FBH1: variants seen among roughly 807,000 people sequenced by gnomAD.
FBH1 encodes the protein DNA 3'-5' helicase 1.
FBH1 carries 43 observed loss-of-function variants against 115.5 expected under a neutral mutation model. The observed-to-expected ratio is 0.37, with a 90% CI of 0.29 to 0.48. The LOEUF (loss-of-function observed/expected upper bound fraction) is 0.48, where lower values mean the gene tolerates loss of function less well. FBH1 is among the 20% of genes least tolerant of loss of function. FBH1 has a pLI of 0.99. For missense variants in FBH1, 1,001 were observed against 1,337.3 expected (o/e 0.75, Z 3.92); for synonymous variants, 524 against 507.8 (o/e 1.03, Z -0.43).
chr10:5,923,519 C>G lies in FBH1; in HGVS notation c.2323-102C>G. 1.1e-6 allele frequency: 1 copy of G among 892,964 alleles called. No individual in the cohort carries two copies. Among genetic ancestry groups the G allele is most frequent in the South Asian group, 1.6e-5 (1 of 61,858 alleles). 55.3% of individuals were successfully genotyped at this position (892,964 alleles called of 1,614,324 possible). On this transcript the variant is annotated intron_variant, in intron 15 of 20. Transcript: ENST00000362091. The surrounding 1 kb of genome is among the most constrained non-coding windows in gnomAD (Gnocchi z 5.7). ...CAAGAAACCATCTCATTTCAAAACC[C>G]CATCCCTGCATTTGCTTTATTTTGT...
At position 5,925,225 on chromosome 10, in the gene FBH1, C is replaced by G; in HGVS notation, c.2597-142C>G. 1 of 986,022 alleles carries G rather than the reference C, an allele frequency of 1.0e-6. No individual in the cohort carries two copies. The highest frequency in any genetic ancestry group is 1.5e-6 in the Non-Finnish European group (1 of 675,786). The allele number at this position is 986,022 out of a possible 1,614,324, so 61.1% of individuals were successfully genotyped here. ...AGTTGTCTGTTCCCGACAGTTGTTT[C>G]CTCTTTCCCCCTTTTCCTACAAAAC... On this transcript the variant is annotated intron_variant, in intron 17 of 20. Transcript: ENST00000362091. This position sits in a 1 kb window ranked among gnomAD's most constrained non-coding sequence, Gnocchi z 4.6.
At position 5,890,251 on chromosome 10, in the gene FBH1, CAG is replaced by C; in HGVS notation, c.-92_-91del. The C allele has an allele frequency of 2.7e-6, 1 of 364,466 alleles. No individual in the cohort carries two copies. 22.6% of individuals were successfully genotyped at this position (364,466 alleles called of 1,614,324 possible). On this transcript the variant is annotated 5_prime_UTR_variant, in exon 1 of 21. Transcript: ENST00000362091. The stretch of plus-strand genomic sequence containing the variant: ...GGCGTCTCGGGCTCCAGGTCCCGGC[CAG>C]AGGAGGAGCTCGCTGCCGGGGGACG...
At position 5,915,069 on chromosome 10, in the gene FBH1, C is replaced by T. The variant is rs1272489173; in HGVS notation, c.1397-334C>T. Among the ~76,000 whole-genome samples, 3 of 152,196 alleles carry T rather than the reference C, an allele frequency of 2.0e-5. No individual in the cohort carries two copies. Among genetic ancestry groups the T allele is most frequent in the East Asian group, 1.9e-4 (1 of 5,198 alleles). ...CCTTCCCCCTCCCTAACCCTACCCT[C>T]CTATCCTGAGGGGTCCTTTTTGCCC... On this transcript the variant is annotated intron_variant, in intron 8 of 20. Coordinates refer to ENST00000362091, the MANE Select transcript of FBH1 (RefSeq NM_178150.3). This position sits in a 1 kb window ranked among gnomAD's most constrained non-coding sequence, Gnocchi z 5.2.
intron 1 of FBH1, among the ~76,000 whole-genome samples, chr10:5,896,177 T>C (rs1210283334): frequency 6.6e-6 from 1 of 152,170 alleles, no homozygotes; most frequent in African/African-American, 2.4e-5. Flanking sequence ...AGCAGAGTTC[T>C]TGTAAGGACT....
upstream of FBH1, chr10:5,890,113 G>C (rs1371860614): frequency 3.1e-6 from 1 of 321,092 alleles, no homozygotes. Flanking sequence ...CCGTCCGTCA[G>C]CACGCCCCCT....
In FBH1 at chr10:5,895,057, C is replaced by G; in HGVS notation, c.1+4711C>G. ...AATTGGGCCATTCCCGTTTCACAGG[C>G]TGCCATTGGACCTGTCAAGTGCCTG... is the stretch of plus-strand genomic sequence containing the variant. On this transcript the variant is annotated intron_variant, in intron 1 of 20. Coordinates refer to ENST00000362091, the MANE Select transcript of FBH1 (RefSeq NM_178150.3). This position sits in a 1 kb window ranked among gnomAD's most constrained non-coding sequence, Gnocchi z 5.0. 6.2e-7 allele frequency: 1 copy of G among 1,609,776 alleles called. No homozygotes were observed. Among genetic ancestry groups the G allele is most frequent in the South Asian group, 1.1e-5 (1 of 90,724 alleles).
In FBH1 at chr10:5,925,941, G is replaced by T. The variant is rs183331934; in HGVS notation, c.2722+449G>T. On this transcript the variant is annotated intron_variant, in intron 18 of 20. Coordinates refer to ENST00000362091, the MANE Select transcript of FBH1 (RefSeq NM_178150.3). This position sits in a 1 kb window ranked among gnomAD's most constrained non-coding sequence, Gnocchi z 4.6. The stretch of plus-strand genomic sequence containing the variant: ...GTAAGCATTCTTTATCATTTGTCTG[G>T]TGTTTTTTGGTACAGACAGGGGTCT... 1.6e-4 allele frequency among the ~76,000 whole-genome samples: 25 copies of T among 151,878 alleles called. No individual in the cohort carries two copies. The highest frequency in any genetic ancestry group is 2.6e-4 in the Non-Finnish European group (18 of 67,966).
Position 5,903,116 on chromosome 10 carries a change from C to T in FBH1, c.98C>T (p.Thr33Ile). The change falls in exon 2 of 21, where the codon ACA (threonine) becomes ATA (isoleucine). Residue 33 changes from threonine (T) to isoleucine (I), a missense_variant. By Grantham distance (89) the Thr-to-Ile change is moderately conservative (BLOSUM62 -1). Around this residue, in one of 4 missense-constraint regions of FBH1, gnomAD observed 420 missense variants for 430.4 expected, o/e 0.98. Transcript: ENST00000362091. ...ACCCAGCCCTTCGGTCAAAGATGGA[C>T]AAACAGAGATCCGAACCATGGTCTC... ...AVTQPFGQRW[T>I]NRDPNHGLYP... 1 of 1,613,792 alleles carries T rather than the reference C, an allele frequency of 6.2e-7. No homozygotes were observed. Among genetic ancestry groups the T allele is most frequent in the Non-Finnish European group, 8.5e-7 (1 of 1,179,888 alleles).
chr10:5,932,007 CATG>C lies in FBH1; in HGVS notation c.2830-4448_2830-4446del, dbSNP rs935125361. Among the ~76,000 whole-genome samples the C allele has an allele frequency of 2.0e-5, 3 of 152,188 alleles. No individual in the cohort carries two copies. Among genetic ancestry groups the C allele is most frequent in the African/African-American group, 7.2e-5 (3 of 41,430 alleles). On this transcript the variant is annotated intron_variant, in intron 19 of 20. Coordinates refer to ENST00000362091, the MANE Select transcript of FBH1 (RefSeq NM_178150.3). The surrounding 1 kb of genome is among the most constrained non-coding windows in gnomAD (Gnocchi z 5.9). The stretch of plus-strand genomic sequence containing the variant: ...AAAAAATACAGAAAAATTAGCTAGT[CATG>C]GTGGTGCATACCTGTAGCCCCAGCT...
At chr10:5,902,800 A>G (rs1037127914) in intron 1 of FBH1, among the ~76,000 whole-genome samples, 2 of 152,018 alleles carry the variant, frequency 1.3e-5, no homozygotes, top group Non-Finnish European at 2.9e-5. Context: ...AAAACTTAAG[A>G]TCTTAAAATG....
chr10:5,934,508 C>G (rs1371124940), intron 19 of FBH1: 1 of 151,748 alleles, frequency 6.6e-6, no homozygotes, highest in African/African-American at 2.4e-5. Flanking sequence ...CTCAGAGTAG[C>G]TGGGATTACA....
In FBH1 at chr10:5,913,861, C is replaced by A; in HGVS notation, c.1304+22C>A. ...CAGGGTATGTGTATATGTGCGTCAG[C>A]GTGTGTTTTGTCTTCTGTCGACTCT... On this transcript the variant is annotated intron_variant, in intron 7 of 20. Coordinates refer to ENST00000362091, the MANE Select transcript of FBH1 (RefSeq NM_178150.3). This position sits in a 1 kb window ranked among gnomAD's most constrained non-coding sequence, Gnocchi z 4.4. 6.4e-7 allele frequency: 1 copy of A among 1,555,714 alleles called. No homozygotes were observed. Among genetic ancestry groups the A allele is most frequent in the South Asian group, 1.2e-5 (1 of 84,888 alleles).
Position 5,931,351 on chromosome 10 carries a change from T to C in FBH1, c.2829+3810T>C, listed in dbSNP as rs746107347. Among the ~76,000 whole-genome samples the C allele has an allele frequency of 6.6e-6, 1 of 152,222 alleles. No individual in the cohort carries two copies. The highest frequency in any genetic ancestry group is 1.5e-5 in the Non-Finnish European group (1 of 68,032). ...GCTGAAAAATGATACTGTTTACACA[T>C]GTTCTCTTCATTCTCCTGGGTTTCA... On this transcript the variant is annotated intron_variant, in intron 19 of 20. Transcript: ENST00000362091. This position sits in a 1 kb window ranked among gnomAD's most constrained non-coding sequence, Gnocchi z 4.3.
In FBH1 at chr10:5,923,840, G is replaced by T. The variant is rs1381073610; in HGVS notation, c.2398+144G>T. The T allele has an allele frequency of 5.0e-5, 35 of 699,388 alleles. No homozygotes were observed. The highest frequency in any genetic ancestry group is 7.3e-5 in the Non-Finnish European group (31 of 421,910). 43.3% of individuals were successfully genotyped at this position (699,388 alleles called of 1,614,324 possible). A position where few individuals can be genotyped will look rare whatever the true frequency, so the allele number is the denominator to read the frequency against. ...GTTGCTGTCTTCCCATGACGAGGGG[G>T]GTGCCTCGGGCCTCCTGTTTTCATA... On this transcript the variant is annotated intron_variant, in intron 16 of 20. Coordinates refer to ENST00000362091, the MANE Select transcript of FBH1 (RefSeq NM_178150.3). This position sits in a 1 kb window ranked among gnomAD's most constrained non-coding sequence, Gnocchi z 5.7.
chr10:5,929,038 A>G (rs1589114571), intron 19 of FBH1, among the ~76,000 whole-genome samples: 1 of 152,134 alleles, frequency 6.6e-6, no homozygotes, highest in African/African-American at 2.4e-5. Context: ...TGAGTAAATG[A>G]TATTCAACTC....
intron 1 of FBH1, among the ~76,000 whole-genome samples, chr10:5,893,054 C>T (rs1400151797): frequency 6.6e-6 from 1 of 152,212 alleles, no homozygotes; most frequent in African/African-American, 2.4e-5. Context: ...GCCTGTAATC[C>T]TACCACTTTG....
rs553816140 is a variant in FBH1 at position 5,908,135 on chromosome 10, G to A, written c.754-790G>A. Reference sequence around the variant, plus strand: ...TGAAATCTCCTTCTATTATTGTGTTGCTGTTGGTTTCTACCTTCAGTTCTG... The same window carrying A: ...TGAAATCTCCTTCTATTATTGTGTTACTGTTGGTTTCTACCTTCAGTTCTG... On this transcript the variant is annotated intron_variant, in intron 3 of 20. Transcript: ENST00000362091. Among the ~76,000 whole-genome samples the A allele has an allele frequency of 3.3e-5, 5 of 152,206 alleles. No homozygotes were observed. The South Asian group carries it at 6.2e-4, about 19-fold the overall frequency.
chr10:5,913,682 GA>G lies in FBH1; in HGVS notation c.1212-60del. The G allele has an allele frequency of 2.6e-6, 3 of 1,162,962 alleles. No homozygotes were observed. Among genetic ancestry groups the G allele is most frequent in the Non-Finnish European group, 3.6e-6 (3 of 830,066 alleles). 72.0% of individuals were successfully genotyped at this position (1,162,962 alleles called of 1,614,324 possible). A position where few individuals can be genotyped will look rare whatever the true frequency, so the allele number is the denominator to read the frequency against. ...GGGAAGGAGTTTAAATCCATCTGAG[GA>G]AAAATAAGATGCAGATTGTGACTTG... is the stretch of plus-strand genomic sequence containing the variant. On this transcript the variant is annotated intron_variant, in intron 6 of 20. Transcript: ENST00000362091. This position sits in a 1 kb window ranked among gnomAD's most constrained non-coding sequence, Gnocchi z 4.4.
Position 5,909,203 on chromosome 10 carries a change from G to A in FBH1, c.929G>A (p.Arg310Lys). 1 of 1,613,694 alleles carries A rather than the reference G, an allele frequency of 6.2e-7. No individual in the cohort carries two copies. The highest frequency in any genetic ancestry group is 1.1e-5 in the South Asian group (1 of 91,074). ...TGCTCTCCGAGTGTGGATCCCGAGA[G>A]GGTGCTGTGGAGTCTGAGGGACCAC... is the stretch of plus-strand genomic sequence containing the variant. Reference protein sequence around the residue: ...TKCSPSVDPERVLWSLRDHPL... With the variant: ...TKCSPSVDPEKVLWSLRDHPL... The change falls in exon 5 of 21, where the codon AGG becomes AAG. Residue 310 changes from arginine to lysine, a missense_variant. By Grantham distance (26) the Arg-to-Lys change is conservative (BLOSUM62 2). Coordinates refer to ENST00000362091, the MANE Select transcript of FBH1 (RefSeq NM_178150.3). The surrounding 1 kb of genome is among the most constrained non-coding windows in gnomAD (Gnocchi z 4.4).
Sources: gnomAD v4.1 joint callset for allele counts (sites outside exome capture counted in the v4.1 genomes callset) on GRCh38, gnomAD v4.1.1 for gene constraint, gnomAD v4.1.1 regional missense constraint, Gnocchi (gnomAD v3.1) non-coding constraint, MANE v1.5 for transcripts, NCBI Gene and HGNC (gene_info 2026-07-23, HGNC 2026-07-21) for gene names.